HPCAL1: variants seen among roughly 807,000 people sequenced by gnomAD.
HPCAL1 encodes hippocalcin like 1.
In HPCAL1, 8 loss-of-function variants were observed where a neutral mutation model predicts 17.1. The observed-to-expected ratio is 0.47, with a 90% CI of 0.27 to 0.84. HPCAL1 has a LOEUF of 0.84. HPCAL1 is among the 40% of genes least tolerant of loss of function. The pLI is 0.13. For synonymous variants in HPCAL1, 112 were observed against 111.4 expected, an observed-to-expected ratio of 1.01 and a Z score of -0.03; for missense variants, 165 against 271.1, an observed-to-expected ratio of 0.61 and a Z score of 2.75.
At chr2:10,347,742 G>C (rs1012157902) in intron 1 of HPCAL1, among the ~76,000 whole-genome samples, 2 of 152,180 alleles carry the variant, frequency 1.3e-5, no homozygotes, top group African/African-American at 4.8e-5. Context: ...TGTGTTTCAC[G>C]GGGATCCAGT....
intron 2 of HPCAL1, among the ~76,000 whole-genome samples, chr2:10,417,253 C>T (rs1451164017): frequency 6.6e-6 from 1 of 152,030 alleles, no homozygotes; most frequent in East Asian, 1.9e-4. Flanking sequence ...ATTCCAGCTA[C>T]TTGGGAGGCT....
At chr2:10,380,992 A>G (rs148690553) in intron 1 of HPCAL1, among the ~76,000 whole-genome samples, 1 of 152,266 alleles carries the variant, frequency 6.6e-6, no homozygotes, top group African/African-American at 2.4e-5. Context: ...CCAGCCCACC[A>G]CCCTGATAAG....
chr2:10,394,620 C>T lies in HPCAL1; in HGVS notation c.-110-2215C>T, dbSNP rs1030465933. Among the ~76,000 whole-genome samples the T allele has an allele frequency of 3.3e-5, 5 of 152,134 alleles. No homozygotes were observed. In the South Asian group the frequency reaches 6.2e-4, roughly 19 times the overall value. On this transcript the variant is annotated intron_variant, in intron 1 of 4. Coordinates refer to ENST00000307845, the MANE Select transcript of HPCAL1 (RefSeq NM_002149.4). The surrounding 1 kb of genome is among the most constrained non-coding windows in gnomAD (Gnocchi z 5.0). ...GGCCCACGCCAAGAGGGAACCCTAA[C>T]GTGAGCTGCGGACCTGGGGGGTGAT...
rs532737913 is a variant in HPCAL1 at position 10,322,633 on chromosome 2, C to T, written c.-111+19456C>T. Reference sequence around the variant, plus strand: ...GTCCCAAGACAGATGATTTTTGACCCATGCATCTTCTTCCTGCCTGGAAAG... The same window carrying T: ...GTCCCAAGACAGATGATTTTTGACCTATGCATCTTCTTCCTGCCTGGAAAG... On this transcript the variant is annotated intron_variant, in intron 1 of 4. Coordinates refer to ENST00000307845, the MANE Select transcript of HPCAL1 (RefSeq NM_002149.4). 3.9e-5 allele frequency among the ~76,000 whole-genome samples: 6 copies of T among 152,338 alleles called. No individual in the cohort carries two copies. The East Asian group carries it at 1.2e-3, about 29-fold the overall frequency.
At chr2:10,374,935 CAGA>C (rs1667456652) in intron 1 of HPCAL1, among the ~76,000 whole-genome samples, 1 of 152,130 alleles carries the variant, frequency 6.6e-6, no homozygotes, top group Non-Finnish European at 1.5e-5. Flanking sequence ...ACTGACTGGA[CAGA>C]AGGAGGAAGA....
At chr2:10,387,882 T>G (rs1012871381) in intron 1 of HPCAL1, among the ~76,000 whole-genome samples, 1 of 152,206 alleles carries the variant, frequency 6.6e-6, no homozygotes, top group African/African-American at 2.4e-5. Context: ...GGATCTTTCC[T>G]TTCTTTTCTT....
intron 2 of HPCAL1, among the ~76,000 whole-genome samples, chr2:10,418,505 T>C (rs1572862735): frequency 7.3e-6 from 1 of 136,488 alleles, no homozygotes. Context: ...AGAAAGGAAG[T>C]GGTGGGCAGT....
intron 1 of HPCAL1, among the ~76,000 whole-genome samples, chr2:10,334,844 A>G (rs1202756846): frequency 1.3e-5 from 2 of 151,952 alleles, no homozygotes; most frequent in African/African-American, 4.8e-5. Flanking sequence ...TGCCTGGCTA[A>G]TTTTTGTATT....
chr2:10,319,949 ATCT>A (rs1031018898), intron 1 of HPCAL1, among the ~76,000 whole-genome samples: 1 of 151,970 alleles, frequency 6.6e-6, no homozygotes, highest in Admixed American at 6.6e-5. Flanking sequence ...GACAATGCCC[ATCT>A]TCTTCTTGGC....
chr2:10,352,424 G>A (rs113527501), intron 1 of HPCAL1, among the ~76,000 whole-genome samples: 11 of 152,204 alleles, frequency 7.2e-5, no homozygotes, highest in South Asian at 4.1e-4. Flanking sequence ...AAACTTTTCC[G>A]TTCTAGTCTT....
intron 2 of HPCAL1, among the ~76,000 whole-genome samples, chr2:10,399,376 CCACCACCACCACCACCACCAT>C (rs1669356413): frequency 1.7e-5 from 1 of 60,148 alleles, no homozygotes; most frequent in Non-Finnish European, 3.5e-5. Context: ...ATCATCACCA[CCACCACCACCACCACCACCAT>C]CACCACCACC....
At chr2:10,403,506 C>T (rs1173361287) in intron 2 of HPCAL1, among the ~76,000 whole-genome samples, 1 of 144,454 alleles carries the variant, frequency 6.9e-6, no homozygotes, top group Non-Finnish European at 1.5e-5. Flanking sequence ...GTGTGTGTGA[C>T]GGAGTCTTGC....
Position 10,395,355 on chromosome 2 carries a change from G to A in HPCAL1, c.-110-1480G>A, listed in dbSNP as rs11686947. The stretch of plus-strand genomic sequence containing the variant: ...CAATCACACGTGATGCATCTCGGGG[G>A]CATTCATTTGTCAAACATTATTTGT... On this transcript the variant is annotated intron_variant, in intron 1 of 4. Transcript: ENST00000307845. The surrounding 1 kb of genome is among the most constrained non-coding windows in gnomAD (Gnocchi z 4.4). Among the ~76,000 whole-genome samples the A allele has an allele frequency of 0.35, 53,396 of 152,002 alleles. 10,079 individuals carry two copies. Among genetic ancestry groups the A allele is most frequent in the South Asian group, 0.49 (2,358 of 4,820 alleles).
chr2:10,335,368 G>A (rs1664652485), intron 1 of HPCAL1, among the ~76,000 whole-genome samples: 3 of 152,188 alleles, frequency 2.0e-5, no homozygotes, highest in South Asian at 2.1e-4. Flanking sequence ...GGTGACAAGG[G>A]ACCAAGGCCT....
At chr2:10,378,820 G>T (rs141590926) in intron 1 of HPCAL1, among the ~76,000 whole-genome samples, 171 of 152,224 alleles carry the variant, frequency 1.1e-3, no homozygotes, top group Admixed American at 2.1e-3. Flanking sequence ...AAATCCTCAC[G>T]GTAGAAAATG....
Position 10,367,179 on chromosome 2 carries a change from G to A in HPCAL1, c.-110-29656G>A, listed in dbSNP as rs1441399449. Among the ~76,000 whole-genome samples, 1 of 151,910 alleles carries A rather than the reference G, an allele frequency of 6.6e-6. No individual in the cohort carries two copies. Among genetic ancestry groups the A allele is most frequent in the African/African-American group, 2.4e-5 (1 of 41,326 alleles). ...GTTTATTGTCATCTGCTTGGGACTT[G>A]AGGGTAACTTCATCTCTCAAAATAG... is the stretch of plus-strand genomic sequence containing the variant. On this transcript the variant is annotated intron_variant, in intron 1 of 4. Coordinates refer to ENST00000307845, the MANE Select transcript of HPCAL1 (RefSeq NM_002149.4). The surrounding 1 kb of genome is among the most constrained non-coding windows in gnomAD (Gnocchi z 4.4).
chr2:10,379,720 C>T (rs1043213710), intron 1 of HPCAL1, among the ~76,000 whole-genome samples: 1 of 152,076 alleles, frequency 6.6e-6, no homozygotes, highest in African/African-American at 2.4e-5. Flanking sequence ...AGGCTCTGGT[C>T]GCTTGAAAAG....
At chr2:10,324,935 G>T (rs564819908) in intron 1 of HPCAL1, among the ~76,000 whole-genome samples, 1 of 144,876 alleles carries the variant, frequency 6.9e-6, no homozygotes, top group East Asian at 2.1e-4. Flanking sequence ...TGATTCTCCT[G>T]CCTCAGCCTC....
chr2:10,387,252 C>T (rs1668373985), intron 1 of HPCAL1, among the ~76,000 whole-genome samples: 1 of 152,254 alleles, frequency 6.6e-6, no homozygotes, highest in African/African-American at 2.4e-5. Flanking sequence ...GTGCCAGCCT[C>T]ACGGCCTCCT....
Sources: allele counts gnomAD v4.1 joint callset (sites outside exome capture counted in the v4.1 genomes callset), GRCh38; gene constraint gnomAD v4.1.1; non-coding constraint Gnocchi (gnomAD v3.1); transcripts MANE v1.5; gene names NCBI Gene and HGNC (gene_info 2026-07-23, HGNC 2026-07-21).